PXDNL: variants seen among roughly 807,000 people sequenced by gnomAD.
PXDNL encodes the protein peroxidasin like.
In PXDNL, 145 loss-of-function variants were observed where a neutral mutation model predicts 150.8. The observed-to-expected ratio is 0.96, with a 90% CI of 0.84 to 1.10. The LOEUF (loss-of-function observed/expected upper bound fraction) is 1.10. PXDNL is among the 50% of genes least tolerant of loss of function. The pLI is 0.00. For synonymous variants in PXDNL, 757 were observed against 725.7 expected, an observed-to-expected ratio of 1.04 and a Z score of -0.69; for missense variants, 2,087 against 1,873.9, an observed-to-expected ratio of 1.11 and a Z score of -2.10.
chr8:51,414,334 A>G (rs1808736357), intron 14 of PXDNL, among the ~76,000 whole-genome samples: 1 of 151,992 alleles, frequency 6.6e-6, no homozygotes, highest in South Asian at 2.1e-4. Context: ...CCTGTATATT[A>G]TGACCATCTA....
intron 1 of PXDNL, among the ~76,000 whole-genome samples, chr8:51,794,386 A>T (rs1017911814): frequency 3.9e-5 from 6 of 152,134 alleles, no homozygotes; most frequent in Non-Finnish European, 1.5e-5. Flanking sequence ...GGTCAAAATG[A>T]AGGAAAAAAT....
Position 51,809,390 on chromosome 8 carries a change from G to A in PXDNL, c.-46C>T, listed in dbSNP as rs1045823771. 2.0e-6 allele frequency: 3 copies of A among 1,475,156 alleles called. No homozygotes were observed. The highest frequency in any genetic ancestry group is 1.8e-6 in the Non-Finnish European group (2 of 1,111,382). The allele number at this position is 1,475,156 out of a possible 1,614,324, so 91.4% of individuals were successfully genotyped here. A position where few individuals can be genotyped will look rare whatever the true frequency, so the allele number is the denominator to read the frequency against. ...ACGCGAAGAAGCAGCCGGAGGGAGA[G>A]CAGCAGCTGCAGCTGCAGCAGCAAC... is the stretch of plus-strand genomic sequence containing the variant. On this transcript the variant is annotated 5_prime_UTR_variant, in exon 1 of 23. Transcript: ENST00000356297.
At chr8:51,709,420 A>G (rs934899965) in intron 1 of PXDNL, among the ~76,000 whole-genome samples, 1 of 151,858 alleles carries the variant, frequency 6.6e-6, no homozygotes, top group African/African-American at 2.4e-5. Context: ...ACGCCCGGCT[A>G]ATTTTTTTTA....
chr8:51,483,839 C>T, intron 5 of PXDNL, 125 bp from the exon 6 acceptor site: 1 of 619,768 alleles, frequency 1.6e-6, no homozygotes, highest in South Asian at 2.0e-5. Context: ...AAAGGGCAAA[C>T]AGAAGTCAGA....
At chr8:51,639,995 C>T (rs941317505) in intron 2 of PXDNL, among the ~76,000 whole-genome samples, 1 of 152,084 alleles carries the variant, frequency 6.6e-6, no homozygotes, top group Non-Finnish European at 1.5e-5. Flanking sequence ...CATCAAAAAG[C>T]TTATCCACCA....
At chr8:51,539,913 C>T (rs2130475401) in intron 4 of PXDNL, among the ~76,000 whole-genome samples, 1 of 150,726 alleles carries the variant, frequency 6.6e-6, no homozygotes, top group Middle Eastern at 3.5e-3. Flanking sequence ...TGACTTCTCT[C>T]TATTGTTGTT....
rs541705082 is a variant in PXDNL at position 51,744,153 on chromosome 8, GAGGAAGGAAGGAAAGA to G, written c.164+65012_164+65027del. ...AAGAGAAAGGAAGGAAGAAGGGAGG[GAGGAAGGAAGGAAAGA>G]AGGAAGGAAGGTGAGAAAGAGAGAA... On this transcript the variant is annotated intron_variant, in intron 1 of 22. Coordinates refer to ENST00000356297, the MANE Select transcript of PXDNL (RefSeq NM_144651.5). 4.4e-5 allele frequency among the ~76,000 whole-genome samples: 5 copies of G among 113,152 alleles called. No individual in the cohort carries two copies. The South Asian group carries it at 1.6e-3, about 36-fold the overall frequency. 74.2% of individuals were successfully genotyped at this position (113,152 alleles called of 152,430 possible).
chr8:51,720,243 C>A (rs1275135032), intron 1 of PXDNL, among the ~76,000 whole-genome samples: 1 of 148,944 alleles, frequency 6.7e-6, no homozygotes, highest in Non-Finnish European at 1.5e-5. Flanking sequence ...TATACAGAAG[C>A]AAATTGTTCT....
At chr8:51,411,558 G>GGGT (rs1482173287) in intron 15 of PXDNL, among the ~76,000 whole-genome samples, 151 bp from the exon 16 acceptor site, 1 of 152,172 alleles carries the variant, frequency 6.6e-6, no homozygotes, top group African/African-American at 2.4e-5. Context: ...GAGGAGCTGT[G>GGGT]GGTTCTTTTC....
chr8:51,411,673 T>A (rs1375376177), intron 15 of PXDNL, among the ~76,000 whole-genome samples: 1 of 152,114 alleles, frequency 6.6e-6, no homozygotes, highest in Non-Finnish European at 1.5e-5. Flanking sequence ...GGAAACAACA[T>A]CTATGGTGGG....
intron 19 of PXDNL, among the ~76,000 whole-genome samples, chr8:51,362,119 T>C (rs1015835496): frequency 5.3e-5 from 8 of 152,248 alleles, no homozygotes; most frequent in East Asian, 1.9e-4. Flanking sequence ...AAGTGACTAA[T>C]TGATAAGAAA....
chr8:51,394,809 C>A (rs1178058810), intron 17 of PXDNL, among the ~76,000 whole-genome samples: 2 of 152,120 alleles, frequency 1.3e-5, no homozygotes, highest in Non-Finnish European at 2.9e-5. Flanking sequence ...TAGCGCTGGT[C>A]CTGTGGCCAC....
chr8:51,426,709 T>C lies in PXDNL; in HGVS notation c.1575A>G (p.Gly525=), dbSNP rs1367806204. The part of the protein sequence containing the change: ...QLPQDTSVEV[G]KNINISCHAQ... ...CATGACATGAAATGTTTATATTCTT[T>C]CCAACCTCGACACTTGTATCCTGAG... The change falls in exon 13 of 23, where the codon GGA becomes GGG. Residue 525 remains glycine (G), a synonymous_variant. Transcript: ENST00000356297. 1.9e-6 allele frequency: 3 copies of C among 1,608,304 alleles called. No individual in the cohort carries two copies. The South Asian group carries it at 3.3e-5, about 18-fold the overall frequency.
At chr8:51,777,314 C>A (rs34319820) in intron 1 of PXDNL, among the ~76,000 whole-genome samples, 2 of 151,964 alleles carry the variant, frequency 1.3e-5, no homozygotes, top group Non-Finnish European at 2.9e-5. Flanking sequence ...AAGATGGCTG[C>A]GATAATTAAA....
At chr8:51,446,888 A>G (rs1809688678) in intron 12 of PXDNL, 116 bp downstream of exon 12, 1 of 683,038 alleles carries the variant, frequency 1.5e-6, no homozygotes, top group Admixed American at 3.3e-5. Context: ...TTCTTAGATC[A>G]TATGACTATA....
At chr8:51,435,073 C>A (rs111976404) in intron 12 of PXDNL, among the ~76,000 whole-genome samples, 28,635 of 152,024 alleles carry the variant, frequency 0.19, 3,014 homozygotes, top group East Asian at 0.32. Flanking sequence ...AGTCACAGCA[C>A]TTTGGGAGGC....
intron 4 of PXDNL, among the ~76,000 whole-genome samples, chr8:51,548,543 A>C (rs748638632): frequency 6.6e-6 from 1 of 152,202 alleles, no homozygotes; most frequent in South Asian, 2.1e-4. Context: ...TAGCCTCCTT[A>C]AACAAAATAA....
intron 19 of PXDNL, among the ~76,000 whole-genome samples, chr8:51,358,500 C>T (rs1453583327): frequency 6.6e-6 from 1 of 152,172 alleles, no homozygotes; most frequent in African/African-American, 2.4e-5. Flanking sequence ...ACAGGGTCTT[C>T]TGTGACCTTG....
intron 2 of PXDNL, among the ~76,000 whole-genome samples, chr8:51,637,631 T>C (rs1319014517): frequency 6.6e-6 from 1 of 151,706 alleles, no homozygotes; most frequent in Non-Finnish European, 1.5e-5. Context: ...TGAAATGAAG[T>C]GAAAAGAGAA....
Sources: allele counts gnomAD v4.1 joint callset (sites outside exome capture counted in the v4.1 genomes callset), GRCh38; gene constraint gnomAD v4.1.1; transcripts MANE v1.5; gene names NCBI Gene and HGNC (gene_info 2026-07-23, HGNC 2026-07-21).